The following PIK3C2G variants were observed in gnomAD, a reference collection of about 807,000 sequenced individuals.
PIK3C2G encodes phosphatidylinositol-4-phosphate 3-kinase catalytic subunit type 2 gamma.
In PIK3C2G, 168 loss-of-function variants were observed where a neutral mutation model predicts 181.1. The observed-to-expected ratio is 0.93, with a 90% CI of 0.82 to 1.05. The LOEUF (loss-of-function observed/expected upper bound fraction) is 1.05, where lower values mean the gene tolerates loss of function less well. Ranked by LOEUF, PIK3C2G falls within the 50% of genes least tolerant of loss-of-function variation. The pLI is 0.00. For missense variants in PIK3C2G, 1,869 were observed against 1,732.8 expected (o/e 1.08, Z -1.40); for synonymous variants, 573 against 592.2 (o/e 0.97, Z 0.47).
intron 11 of PIK3C2G, among the ~76,000 whole-genome samples, chr12:18,353,184 G>T (rs973452558): frequency 6.6e-5 from 10 of 152,120 alleles, no homozygotes; most frequent in African/African-American, 2.4e-4. Flanking sequence ...CTGACAGGGG[G>T]CATTGTTTTG....
chr12:18,276,516 T>A (rs1474858405), intron 1 of PIK3C2G, among the ~76,000 whole-genome samples: 1 of 152,178 alleles, frequency 6.6e-6, no homozygotes, highest in Admixed American at 6.6e-5. Context: ...AACAAAAACA[T>A]ACCCAATATA....
At chr12:18,714,001 T>G in the PIK3C2G span, among the ~76,000 whole-genome samples, 1 of 152,188 alleles carries the variant, frequency 6.6e-6, no homozygotes, top group African/African-American at 2.4e-5. Flanking sequence ...GGAAGCTGAT[T>G]GCATTCAGAT....
At chr12:18,284,190 A>T (rs1949344026) in intron 2 of PIK3C2G, among the ~76,000 whole-genome samples, 1 of 152,170 alleles carries the variant, frequency 6.6e-6, no homozygotes, top group Non-Finnish European at 1.5e-5. Flanking sequence ...TGTGTTAATT[A>T]CACAGACTTG....
At chr12:18,318,345 TA>T (rs1950958695) in intron 6 of PIK3C2G, among the ~76,000 whole-genome samples, 1 of 152,198 alleles carries the variant, frequency 6.6e-6, no homozygotes, top group Non-Finnish European at 1.5e-5. Context: ...TAACTTAATA[TA>T]ACTGAAACAG....
chr12:18,378,243 A>G (rs1014887526), intron 13 of PIK3C2G, among the ~76,000 whole-genome samples: 6 of 152,204 alleles, frequency 3.9e-5, no homozygotes, highest in Admixed American at 2.0e-4. Flanking sequence ...TAAGGACACA[A>G]ATATAACACA....
chr12:18,323,396 G>T (rs1447728617), intron 7 of PIK3C2G, among the ~76,000 whole-genome samples: 1 of 152,064 alleles, frequency 6.6e-6, no homozygotes, highest in Non-Finnish European at 1.5e-5. Flanking sequence ...CAAACACTTG[G>T]CAACCATCAC....
chr12:18,491,598 T>C, intron 20 of PIK3C2G, 40 bp downstream of exon 20: 1 of 1,138,074 alleles, frequency 8.8e-7, no homozygotes, highest in Non-Finnish European at 1.3e-6. Flanking sequence ...AATATTTCTG[T>C]TTTGTATAGT....
At chr12:18,294,712 C>A (rs973166546) in intron 5 of PIK3C2G, among the ~76,000 whole-genome samples, 1 of 151,926 alleles carries the variant, frequency 6.6e-6, no homozygotes, top group Admixed American at 6.6e-5. Context: ...ATAAATATTT[C>A]TCTGCTGGTA....
At chr12:18,569,549 G>T (rs1008940528) in intron 29 of PIK3C2G, among the ~76,000 whole-genome samples, 15 of 152,094 alleles carry the variant, frequency 9.9e-5, no homozygotes, top group Non-Finnish European at 1.5e-5. Context: ...CTTTTGGAAT[G>T]TTTCCAGTTT....
chr12:18,399,598 T>G (rs1944124578), intron 15 of PIK3C2G, 61 bp from the exon 16 acceptor site: 5 of 1,028,882 alleles, frequency 4.9e-6, no homozygotes, highest in Non-Finnish European at 7.0e-6. Context: ...TGCATATTTA[T>G]AGCAACATTT....
At chr12:18,352,763 T>C (rs1414260458) in intron 11 of PIK3C2G, among the ~76,000 whole-genome samples, 1 of 152,140 alleles carries the variant, frequency 6.6e-6, no homozygotes, top group Non-Finnish European at 1.5e-5. Flanking sequence ...GTAGTCTTCT[T>C]CTGGAGTTCA....
chr12:18,575,727 G>A (rs1013393792), intron 29 of PIK3C2G, among the ~76,000 whole-genome samples: 2 of 152,158 alleles, frequency 1.3e-5, no homozygotes, highest in African/African-American at 2.4e-5. Flanking sequence ...GGGAAAAGTC[G>A]TGCTAGGCAA....
downstream of PIK3C2G, among the ~76,000 whole-genome samples, chr12:18,649,803 C>T (rs897258214): frequency 2.6e-5 from 4 of 152,130 alleles, no homozygotes; most frequent in Admixed American, 1.3e-4. Context: ...GATATATTTT[C>T]TTCATTTGGC....
In PIK3C2G at chr12:18,563,447, C is replaced by G. The variant is rs1394611291; in HGVS notation, c.3851C>G (p.Ser1284Ter). 6.2e-7 allele frequency: 1 copy of G among 1,613,758 alleles called. No homozygotes were observed. The highest frequency in any genetic ancestry group is 8.5e-7 in the Non-Finnish European group (1 of 1,179,732). Reference protein sequence around the residue: ...SLTEKSFEQFSKLHSQLQKQF... With the variant: ...SLTEKSFEQF Reference sequence around the variant, plus strand: ...ACAGAAAAATCATTTGAGCAGTTTTCAAAACTTCACAGCCAACTTCAGAAG... The same window carrying G: ...ACAGAAAAATCATTTGAGCAGTTTTGAAAACTTCACAGCCAACTTCAGAAG... Residue 1284 changes from serine to a stop codon, truncating the protein, a stop_gained, in exon 28 of 33, where the codon TCA becomes TGA. Transcript: ENST00000538779. LOFTEE classifies it high-confidence loss of function.
intron 31 of PIK3C2G, among the ~76,000 whole-genome samples, chr12:18,632,075 C>T (rs2136732350): frequency 6.6e-6 from 1 of 152,014 alleles, no homozygotes; most frequent in African/African-American, 2.4e-5. Context: ...AGGTGGAGAC[C>T]AGGGACACTG....
intron 18 of PIK3C2G, among the ~76,000 whole-genome samples, chr12:18,426,591 A>G (rs1945828894): frequency 6.6e-6 from 1 of 152,190 alleles, no homozygotes; most frequent in South Asian, 2.1e-4. Context: ...ATAAAATTAG[A>G]TCTATGTTTT....
At chr12:18,480,078 C>T (rs193225338) in intron 18 of PIK3C2G, among the ~76,000 whole-genome samples, 13 of 152,192 alleles carry the variant, frequency 8.5e-5, no homozygotes, top group Non-Finnish European at 1.6e-4. Flanking sequence ...TGGCTGGAGC[C>T]AAGGCTTTCT....
the PIK3C2G span, among the ~76,000 whole-genome samples, chr12:18,686,798 A>G: frequency 6.6e-6 from 1 of 152,106 alleles, no homozygotes; most frequent in Non-Finnish European, 1.5e-5. Flanking sequence ...TTTAATAAAC[A>G]GATTTTAAGT....
intron 29 of PIK3C2G, among the ~76,000 whole-genome samples, chr12:18,584,337 T>A (rs1365697046): frequency 6.6e-6 from 1 of 152,076 alleles, no homozygotes; most frequent in Non-Finnish European, 1.5e-5. Context: ...ACAGTATTTT[T>A]AAAAACCCTA....
Sources: allele counts gnomAD v4.1 joint callset (sites outside exome capture counted in the v4.1 genomes callset), GRCh38; gene constraint gnomAD v4.1.1; transcripts MANE v1.5; gene names NCBI Gene and HGNC (gene_info 2026-07-23, HGNC 2026-07-21).